The following NT5C2 variants were observed in gnomAD, a reference collection of about 807,000 sequenced individuals.
The protein encoded by NT5C2 is 5'-nucleotidase, cytosolic II, also known as cytosolic purine 5'-nucleotidase.
Under a neutral mutation model 76.1 loss-of-function variants are expected in NT5C2, and 58 were observed. The ratio of observed to expected loss-of-function variants is 0.76; its 90% CI spans 0.62 to 0.95. NT5C2 has a LOEUF of 0.95. NT5C2 is among the 40% of genes least tolerant of loss of function. The pLI, the probability that NT5C2 is intolerant of heterozygous loss-of-function variation, is 0.00. For missense variants in NT5C2, 478 were observed against 690.3 expected, an observed-to-expected ratio of 0.69 and a Z score of 3.45; for synonymous variants, 229 against 237.4, an observed-to-expected ratio of 0.96 and a Z score of 0.32.
intron 4 of NT5C2, among the ~76,000 whole-genome samples, chr10:103,137,294 C>T (rs997139773): frequency 1.3e-4 from 20 of 152,280 alleles, no homozygotes; most frequent in Admixed American, 1.2e-3. Flanking sequence ...CTGACAAGTG[C>T]TCCTAAAAGT....
chr10:103,128,405 T>G (rs1451626251), intron 4 of NT5C2, among the ~76,000 whole-genome samples: 3 of 130,044 alleles, frequency 2.3e-5, no homozygotes, highest in Non-Finnish European at 5.1e-5. Context: ...TGGCGTGATC[T>G]CGGCTCACTA....
intron 15 of NT5C2, among the ~76,000 whole-genome samples, chr10:103,092,237 TAGG>T (rs985627844): frequency 2.0e-5 from 3 of 152,214 alleles, no homozygotes; most frequent in African/African-American, 7.2e-5. Flanking sequence ...CTACCATCTT[TAGG>T]AGAATTGAGA....
At chr10:103,109,381 A>T (rs1194075519) in intron 4 of NT5C2, among the ~76,000 whole-genome samples, 4 of 152,184 alleles carry the variant, frequency 2.6e-5, no homozygotes, top group Admixed American at 2.0e-4. Flanking sequence ...TGTTATAAGT[A>T]TAACCACTCT....
chr10:103,092,864 T>C (rs909116049), intron 15 of NT5C2, among the ~76,000 whole-genome samples: 2 of 151,810 alleles, frequency 1.3e-5, no homozygotes, highest in Admixed American at 1.3e-4. Flanking sequence ...GTTCACAACT[T>C]AGTGTTACTG....
chr10:103,143,627 T>TTG (rs2080962655), intron 3 of NT5C2, among the ~76,000 whole-genome samples: 1 of 141,662 alleles, frequency 7.1e-6, no homozygotes, highest in Admixed American at 7.2e-5. Flanking sequence ...TTTTTTTTTT[T>TTG]TTTTTGTAGA....
At chr10:103,144,800 C>CTT (rs2081194916) in intron 3 of NT5C2, among the ~76,000 whole-genome samples, 1 of 152,154 alleles carries the variant, frequency 6.6e-6, no homozygotes, top group South Asian at 2.1e-4. Context: ...CTAGGACAGA[C>CTT]TTTATAAGAG....
chr10:103,164,410 A>C (rs2085826527), intron 3 of NT5C2, among the ~76,000 whole-genome samples: 1 of 152,114 alleles, frequency 6.6e-6, no homozygotes, highest in African/African-American at 2.4e-5. Flanking sequence ...GGCATGCGCC[A>C]CCACGCCCAG....
intron 3 of NT5C2, among the ~76,000 whole-genome samples, chr10:103,140,434 A>G (rs936659608): frequency 6.6e-6 from 1 of 152,132 alleles, no homozygotes; most frequent in Non-Finnish European, 1.5e-5. Flanking sequence ...TTCTTTATCC[A>G]TTCATTCAGC....
At position 103,088,843 on chromosome 10, in the gene NT5C2, A is replaced by T. The variant is rs189767336; in HGVS notation, c.*829T>A. On this transcript the variant is annotated 3_prime_UTR_variant, in exon 19 of 19. Transcript: ENST00000404739. ...ACAAAGAAATCTGGAATTGGGTAGCATGAGCCACAGCTATATAGCCCACAC... is the reference window on the plus strand; with the variant it reads ...ACAAAGAAATCTGGAATTGGGTAGCTTGAGCCACAGCTATATAGCCCACAC... 1.1e-4 allele frequency: 22 copies of T among 197,842 alleles called. No homozygotes were observed. The highest frequency in any genetic ancestry group is 4.8e-4 in the African/African-American group (21 of 43,468). The allele number at this position is 197,842 out of a possible 1,614,324, so 12.3% of individuals were successfully genotyped here.
At chr10:103,177,694 AT>A (rs560251819) in intron 2 of NT5C2, among the ~76,000 whole-genome samples, 3 of 151,936 alleles carry the variant, frequency 2.0e-5, no homozygotes, top group Admixed American at 2.0e-4. Flanking sequence ...GCTAATTATT[AT>A]TTTTTTTAAT....
chr10:103,153,457 C>A, intron 3 of NT5C2: 1 of 985,414 alleles, frequency 1.0e-6, no homozygotes, highest in East Asian at 1.1e-4. Flanking sequence ...CCTAACTAGG[C>A]AATATCTCAG....
intron 3 of NT5C2, among the ~76,000 whole-genome samples, chr10:103,174,044 T>C (rs1338465462): frequency 6.8e-6 from 1 of 146,280 alleles, no homozygotes; most frequent in African/African-American, 2.6e-5. Context: ...TGCAGTGAGC[T>C]GAGATCATGC....
chr10:103,114,302 C>T lies in NT5C2; in HGVS notation c.176-7596G>A, dbSNP rs142446606. Among the ~76,000 whole-genome samples the T allele has an allele frequency of 4.6e-5, 7 of 152,118 alleles. No individual in the cohort carries two copies. In the East Asian group the frequency reaches 1.2e-3, roughly 25 times the overall value. On this transcript the variant is annotated intron_variant, in intron 4 of 18. Coordinates refer to ENST00000404739, the MANE Select transcript of NT5C2 (RefSeq NM_001351169.2). ...GCCGAGTGTGGTGGCGCACACCTGT[C>T]GTGGTGGCACGTGCCTGTATCACTG...
intron 3 of NT5C2, among the ~76,000 whole-genome samples, chr10:103,154,485 G>A (rs1009977675): frequency 6.6e-6 from 1 of 152,142 alleles, no homozygotes; most frequent in Non-Finnish European, 1.5e-5. Context: ...TAGAAAAGCA[G>A]TATGGTGTAA....
intron 3 of NT5C2, chr10:103,146,224 G>C (rs898225770): frequency 1.0e-6 from 1 of 985,380 alleles, no homozygotes; most frequent in Non-Finnish European, 1.2e-6. Context: ...ACACCTCTGT[G>C]TTTAATTTAA....
rs575951725 is a variant in NT5C2, at chr10:103,193,036, G to A, written c.-169+200C>T. On this transcript the variant is annotated intron_variant, in intron 1 of 18. Transcript: ENST00000404739. ...GCGGGGGCCGCACCGAGGGAGTTGG[G>A]AGGCGTGCGGCGTCCGCGAGCGCGC... Among the ~76,000 whole-genome samples, 23 of 151,636 alleles carry A rather than the reference G, an allele frequency of 1.5e-4. No homozygotes were observed. In the East Asian group the frequency reaches 3.9e-3, roughly 26 times the overall value.
chr10:103,118,537 A>G (rs934717818), intron 4 of NT5C2, among the ~76,000 whole-genome samples: 1 of 152,080 alleles, frequency 6.6e-6, no homozygotes, highest in African/African-American at 2.4e-5. Context: ...CATTTTTTGT[A>G]GAGATGCGGT....
At chr10:103,091,166 G>C (rs1175796458) in intron 16 of NT5C2, among the ~76,000 whole-genome samples, 170 bp from the exon 17 acceptor site, 2 of 151,410 alleles carry the variant, frequency 1.3e-5, no homozygotes, top group Non-Finnish European at 2.9e-5. Context: ...ACCCTAATTA[G>C]CTGGGATTAC....
At chr10:103,091,711 A>C (rs2066943384) in intron 15 of NT5C2, 96 bp from the exon 16 acceptor site, 2 of 992,300 alleles carry the variant, frequency 2.0e-6, no homozygotes, top group Middle Eastern at 2.1e-4. Flanking sequence ...ATGTGACTGG[A>C]AAGTAGAACC....
Sources: allele counts gnomAD v4.1 joint callset (sites outside exome capture counted in the v4.1 genomes callset), GRCh38; gene constraint gnomAD v4.1.1; transcripts MANE v1.5; gene names NCBI Gene and HGNC (gene_info 2026-07-23, HGNC 2026-07-21).